Variants in PDE4C observed in about 807,000 individuals in gnomAD.
The protein encoded by PDE4C is phosphodiesterase 4C, also known as 3',5'-cyclic-AMP phosphodiesterase 4C.
Under a neutral mutation model 63.9 loss-of-function variants are expected in PDE4C, and 50 were observed. The observed-to-expected ratio is 0.78, with a 90% CI of 0.62 to 0.99. The LOEUF (loss-of-function observed/expected upper bound fraction) is 0.99. Ranked by LOEUF, PDE4C falls within the 50% of genes least tolerant of loss-of-function variation. The pLI, the probability that PDE4C is intolerant of heterozygous loss-of-function variation, is 0.00. For synonymous variants in PDE4C, 377 were observed against 385.1 expected (o/e 0.98, Z 0.25); for missense variants, 777 against 899.1 (o/e 0.86, Z 1.74).
rs767519514 is a variant in PDE4C at position 18,210,561 on chromosome 19, T to C, written c.*368A>G. On this transcript the variant is annotated 3_prime_UTR_variant, in exon 15 of 15. Coordinates refer to ENST00000262805, the Ensembl canonical transcript of PDE4C. ...CACGAAGTAGATGAGCAATAAATAT[T>C]TGATAAAGAAGGAAATAATTAAGTG... 4.5e-4 allele frequency: 77 copies of C among 170,502 alleles called. 1 individual carries two copies. Among genetic ancestry groups the C allele is most frequent in the Non-Finnish European group, 7.7e-4 (62 of 80,420 alleles). 10.6% of individuals were successfully genotyped at this position (170,502 alleles called of 1,614,324 possible).
the PDE4C span, chr19:18,255,243 A>G: frequency 5.0e-6 from 2 of 398,524 alleles, no homozygotes; most frequent in East Asian, 3.6e-5. The surrounding 1 kb of genome is among the most constrained non-coding windows in gnomAD (Gnocchi z 4.6). Flanking sequence ...ATTGTAATTC[A>G]CACCAGCTTT....
exon 10 of PDE4C, chr19:18,218,387 C>T (rs751669414): frequency 3.7e-6 from 6 of 1,614,260 alleles, no homozygotes; most frequent in Non-Finnish European, 5.1e-6. Context: ...ACGTCGGCGG[C>T]ATGTAGGCTG....
rs754321359 is a variant in PDE4C, at chr19:18,211,273, C to A, written c.1699G>T (p.Gly567Cys). 28 of 1,572,736 alleles carry A rather than the reference C, an allele frequency of 1.8e-5. No individual in the cohort carries two copies. Among genetic ancestry groups the A allele is most frequent in the Non-Finnish European group, 2.3e-5 (27 of 1,155,304 alleles). Reference sequence around the variant, plus strand: ...GGGTGAGCAATGTAGTCAATGAAACCCACCTGTGGCGGGGGGTGGGGCATG... The same window carrying A: ...GGGTGAGCAATGTAGTCAATGAAACACACCTGTGGCGGGGGGTGGGGCATG... Residue 567 changes from glycine (G) to cysteine (C), a missense_variant, in exon 15 of 15, where the codon GGT becomes TGT. Coordinates refer to ENST00000262805, the Ensembl canonical transcript of PDE4C.
intron 12 of PDE4C, 115 bp from the exon 13 acceptor site, chr19:18,213,605 T>G: frequency 8.6e-7 from 1 of 1,160,992 alleles, no homozygotes; most frequent in South Asian, 1.6e-5. Context: ...CTCAGCATAC[T>G]CATCTGTGAA....
chr19:18,239,778 C>A (rs900623675), intron 1 of PDE4C, among the ~76,000 whole-genome samples: 2 of 152,138 alleles, frequency 1.3e-5, no homozygotes, highest in African/African-American at 4.8e-5. Flanking sequence ...GTAATCCCAG[C>A]ACTTTGGGAG....
chr19:18,251,210 C>A (rs981719145), upstream of PDE4C, among the ~76,000 whole-genome samples: 1 of 151,784 alleles, frequency 6.6e-6, no homozygotes, highest in Non-Finnish European at 1.5e-5. Context: ...ACTCCAACCT[C>A]CGCCTCCTGG....
At chr19:18,217,076 T>A in intron 11 of PDE4C, 181 bp from the exon 12 acceptor site, 1 of 609,084 alleles carries the variant, frequency 1.6e-6, no homozygotes, top group Non-Finnish European at 2.7e-6. Flanking sequence ...GCTAGGGTTG[T>A]CTGTGTTTGG....
intron 13 of PDE4C, among the ~76,000 whole-genome samples, chr19:18,212,775 A>G (rs969050631): frequency 4.0e-5 from 6 of 150,524 alleles, no homozygotes; most frequent in African/African-American, 9.7e-5. Context: ...TGCAACCTCT[A>G]CCTCCCAGGT....
upstream of PDE4C, among the ~76,000 whole-genome samples, chr19:18,228,413 C>T (rs754672838): frequency 2.6e-4 from 39 of 152,146 alleles, no homozygotes; most frequent in Admixed American, 9.2e-4. Context: ...ATTCCCATTT[C>T]GAGGATGGGG....
the PDE4C span, among the ~76,000 whole-genome samples, chr19:18,254,949 A>G: frequency 6.6e-6 from 1 of 152,240 alleles, no homozygotes. Context: ...GGAGCCCAAA[A>G]GTAGGTGTGA....
intron 13 of PDE4C, among the ~76,000 whole-genome samples, chr19:18,213,151 C>G (rs1968036309): frequency 6.6e-6 from 1 of 151,220 alleles, no homozygotes; most frequent in Non-Finnish European, 1.5e-5. Flanking sequence ...GGGCGCGGTG[C>G]CGGGCACCTG....
exon 1 of PDE4C, chr19:18,233,368 C>G: frequency 1.2e-6 from 1 of 829,940 alleles, no homozygotes; most frequent in Non-Finnish European, 2.0e-6. Context: ...AAGGTGGGGC[C>G]GACACCGAGG....
In PDE4C at chr19:18,232,899, C is replaced by G. The variant is rs573931780; in HGVS notation, c.242+51G>C. 1.1e-5 allele frequency: 16 copies of G among 1,417,526 alleles called. No homozygotes were observed. In the African/African-American group the frequency reaches 2.1e-4, roughly 19 times the overall value. The allele number at this position is 1,417,526 out of a possible 1,614,324, so 87.8% of individuals were successfully genotyped here. ...GGACCCTCCCCCACTCCCGCCAGGC[C>G]CCGCGCGCCCCTCCCCCGCGCTGCA... On this transcript the variant is annotated intron_variant, in intron 1 of 14. Transcript: ENST00000594465.
chr19:18,241,798 C>T (rs1451380049), intron 1 of PDE4C, among the ~76,000 whole-genome samples: 1 of 152,094 alleles, frequency 6.6e-6, no homozygotes, highest in Admixed American at 6.6e-5. Context: ...GATCCACAAA[C>T]CTCAGCCTCC....
chr19:18,214,052 A>G (rs1394355796), intron 12 of PDE4C, among the ~76,000 whole-genome samples: 1 of 151,998 alleles, frequency 6.6e-6, no homozygotes, highest in East Asian at 1.9e-4. Context: ...AGGTCAGGAG[A>G]TCGAGACCAT....
exon 1 of PDE4C, chr19:18,232,969 G>A (rs576597879): frequency 4.0e-6 from 6 of 1,485,842 alleles, no homozygotes; most frequent in Non-Finnish European, 4.5e-6. Flanking sequence ...GAGGAAACGG[G>A]CCAGGAGAGC....
chr19:18,233,180 C>A (rs1259415185), exon 1 of PDE4C: 1 of 1,558,758 alleles, frequency 6.4e-7, no homozygotes, highest in East Asian at 2.4e-5. Flanking sequence ...CGCCGACCCC[C>A]AGGTTCTCCA....
intron 12 of PDE4C, among the ~76,000 whole-genome samples, chr19:18,214,597 C>T (rs1181110150): frequency 2.0e-5 from 3 of 152,106 alleles, no homozygotes; most frequent in African/African-American, 7.2e-5. Flanking sequence ...ACCCCTCAAA[C>T]TTCCATGTAG....
chr19:18,243,741 T>TC (rs1969082801), intron 1 of PDE4C, among the ~76,000 whole-genome samples: 2 of 152,034 alleles, frequency 1.3e-5, no homozygotes, highest in Admixed American at 1.3e-4. Flanking sequence ...CAGCTATCCC[T>TC]CCCCCATCTG....
Sources: gnomAD v4.1 joint callset for allele counts (sites outside exome capture counted in the v4.1 genomes callset) on GRCh38, gnomAD v4.1.1 for gene constraint, Gnocchi (gnomAD v3.1) non-coding constraint, MANE v1.5 for transcripts, NCBI Gene and HGNC (gene_info 2026-07-23, HGNC 2026-07-21) for gene names.